The following CALD1 variants were observed in gnomAD, a reference collection of about 807,000 sequenced individuals.
CALD1 encodes the protein caldesmon 1, also known as caldesmon.
Under a neutral mutation model 99.9 loss-of-function variants are expected in CALD1, and 33 were observed. The ratio of observed to expected loss-of-function variants is 0.33; its 90% confidence interval spans 0.25 to 0.44. The LOEUF is 0.44. Among genes scored for constraint, CALD1 ranks in the 20% least tolerant of loss-of-function variants. The pLI is 1.00. For synonymous variants in CALD1, 310 were observed against 325.0 expected, an observed-to-expected ratio of 0.95 and a Z score of 0.50; for missense variants, 861 against 962.1, an observed-to-expected ratio of 0.89 and a Z score of 1.39.
At chr7:134,822,430 T>C (rs796783719) in intron 1 of CALD1, among the ~76,000 whole-genome samples, 2 of 152,194 alleles carry the variant, frequency 1.3e-5, no homozygotes, top group South Asian at 4.1e-4. Flanking sequence ...AGATATGAAT[T>C]GATCAGTTCA....
chr7:134,744,567 G>A (rs552436529), intron 1 of CALD1, among the ~76,000 whole-genome samples: 8 of 151,840 alleles, frequency 5.3e-5, no homozygotes, highest in Admixed American at 4.6e-4. Flanking sequence ...GAAAGCAGAG[G>A]AGGTAACATC....
intron 1 of CALD1, among the ~76,000 whole-genome samples, chr7:134,806,330 T>C (rs1025320240): frequency 6.6e-6 from 1 of 152,070 alleles, no homozygotes; most frequent in African/African-American, 2.4e-5. Context: ...TTTAGCTTCC[T>C]CATTAGTAGG....
chr7:134,737,525 T>C, the CALD1 span, among the ~76,000 whole-genome samples: 1 of 152,236 alleles, frequency 6.6e-6, no homozygotes, highest in African/African-American at 2.4e-5. Flanking sequence ...GTCATGGTAT[T>C]GTTTATCTTG....
intron 6 of CALD1, among the ~76,000 whole-genome samples, chr7:134,939,057 G>A (rs1806223249): frequency 6.6e-6 from 1 of 152,216 alleles, no homozygotes; most frequent in Admixed American, 6.5e-5. Context: ...CACATTTGGA[G>A]CCACAGATGC....
chr7:134,733,286 G>T, the CALD1 span, among the ~76,000 whole-genome samples: 6 of 152,166 alleles, frequency 3.9e-5, no homozygotes, highest in African/African-American at 1.2e-4. Context: ...CCTCCAGATC[G>T]GTTCCTTTCT....
intron 8 of CALD1, 45 bp downstream of exon 8, chr7:134,947,814 C>A (rs1341260446): frequency 9.5e-6 from 15 of 1,584,712 alleles, no homozygotes; most frequent in Non-Finnish European, 1.2e-5. Flanking sequence ...CGGGAAAATT[C>A]CCTAGTGCCG....
intron 14 of CALD1, among the ~76,000 whole-genome samples, chr7:134,967,134 A>T (rs1377459534): frequency 6.6e-6 from 1 of 152,188 alleles, no homozygotes; most frequent in African/African-American, 2.4e-5. Flanking sequence ...AAGTGGAACA[A>T]AGATGATGTG....
At chr7:134,864,625 C>A (rs2132302073) in intron 2 of CALD1, among the ~76,000 whole-genome samples, 1 of 152,208 alleles carries the variant, frequency 6.6e-6, no homozygotes, top group South Asian at 2.1e-4. Context: ...GTCTCGAACT[C>A]CTGACCTCAA....
intron 1 of CALD1, among the ~76,000 whole-genome samples, chr7:134,826,083 A>C (rs1373253369): frequency 8.5e-5 from 13 of 152,144 alleles, no homozygotes; most frequent in Admixed American, 8.5e-4. Flanking sequence ...ATCTCCCCAA[A>C]CTACTGTTTA....
intron 11 of CALD1, among the ~76,000 whole-genome samples, chr7:134,958,691 TG>T (rs1408765054): frequency 6.6e-6 from 1 of 151,798 alleles, no homozygotes; most frequent in Non-Finnish European, 1.5e-5. Context: ...CCACCACACC[TG>T]GCCCCCAATA....
intron 8 of CALD1, 117 bp from the exon 9 acceptor site, chr7:134,950,257 G>A: frequency 2.1e-6 from 2 of 934,220 alleles, no homozygotes; most frequent in Non-Finnish European, 1.6e-6. Flanking sequence ...GAAGGGGAGT[G>A]TCCAGCCTGC....
intron 1 of CALD1, among the ~76,000 whole-genome samples, chr7:134,774,383 G>C (rs1453721523): frequency 2.0e-5 from 3 of 152,132 alleles, no homozygotes; most frequent in African/African-American, 7.2e-5. Flanking sequence ...AGGGTGAGGC[G>C]ATTGGAGATG....
chr7:134,721,346 A>AAG, the CALD1 span, among the ~76,000 whole-genome samples: 2 of 147,616 alleles, frequency 1.4e-5, no homozygotes, highest in African/African-American at 2.5e-5. Flanking sequence ...AAAAAAAAAA[A>AAG]GGATGGGGTA....
At chr7:134,839,399 T>G (rs1563036020) in intron 1 of CALD1, among the ~76,000 whole-genome samples, 1 of 152,244 alleles carries the variant, frequency 6.6e-6, no homozygotes. Flanking sequence ...GGTGAATATA[T>G]GCATGGACTT....
At chr7:134,920,561 C>A in intron 3 of CALD1, 1 of 1,273,766 alleles carries the variant, frequency 7.9e-7, no homozygotes, top group South Asian at 1.3e-5. Flanking sequence ...AAGCTGGGGA[C>A]AGAATAGTGT....
intron 9 of CALD1, among the ~76,000 whole-genome samples, chr7:134,957,801 G>T (rs1049007741): frequency 6.6e-6 from 1 of 150,630 alleles, no homozygotes; most frequent in Non-Finnish European, 1.5e-5. Context: ...TTTCTGTCTG[G>T]TCTTTATTTT....
intron 3 of CALD1, chr7:134,891,321 C>G (rs1563071995): frequency 9.2e-7 from 1 of 1,089,932 alleles, no homozygotes; most frequent in African/African-American, 1.6e-5. Flanking sequence ...GCTCTCTGAT[C>G]GCTAAACATG....
chr7:134,848,964 C>T (rs962576528), intron 2 of CALD1, among the ~76,000 whole-genome samples: 2 of 152,186 alleles, frequency 1.3e-5, no homozygotes, highest in African/African-American at 2.4e-5. Context: ...CCTTCTCCAT[C>T]TCACGTGCCA....
intron 6 of CALD1, among the ~76,000 whole-genome samples, chr7:134,937,912 T>C (rs1032661563): frequency 6.6e-6 from 1 of 152,234 alleles, no homozygotes; most frequent in African/African-American, 2.4e-5. Flanking sequence ...AAAAAGTCTC[T>C]TTTTGGTTCT....
Sources: gnomAD v4.1 joint callset for allele counts (sites outside exome capture counted in the v4.1 genomes callset) on GRCh38, gnomAD v4.1.1 for gene constraint, MANE v1.5 for transcripts, NCBI Gene and HGNC (gene_info 2026-07-23, HGNC 2026-07-21) for gene names.